The following ACACA variants were observed in gnomAD, a reference collection of about 807,000 sequenced individuals.
ACACA encodes the protein acetyl-CoA carboxylase 1.
ACACA carries 103 observed loss-of-function variants against 296.1 expected under a neutral mutation model. That is an observed-to-expected ratio of 0.35 (90% CI 0.30 to 0.41). The LOEUF (loss-of-function observed/expected upper bound fraction) is 0.41, where lower values mean the gene tolerates loss of function less well. Among genes scored for constraint, ACACA ranks in the 10% least tolerant of loss-of-function variants. ACACA has a pLI of 1.00. For synonymous variants in ACACA, 953 were observed against 1,038.6 expected (o/e 0.92, Z 1.58); for missense variants, 1,554 against 2,989.7 (o/e 0.52, Z 11.20).
rs115113934 is a variant in ACACA at position 37,219,335 on chromosome 17, G to C, written c.3683+2389C>G. Among the ~76,000 whole-genome samples, 1,198 of 152,264 alleles carry C rather than the reference G, an allele frequency of 7.9e-3. 15 individuals are homozygous for C. The highest frequency in any genetic ancestry group is 0.026 in the African/African-American group (1,078 of 41,558). On this transcript the variant is annotated intron_variant, in intron 29 of 55. Coordinates refer to ENST00000616317, the MANE Select transcript of ACACA (RefSeq NM_198834.3). The stretch of plus-strand genomic sequence containing the variant: ...GAGACCATCCCACACTTCACCCTAA[G>C]CGTCTCGTGCTTTTGGCTGATCCTG...
At chr17:37,268,733 C>A (rs924095615) in intron 10 of ACACA, among the ~76,000 whole-genome samples, 903 of 70,194 alleles carry the variant, frequency 0.013, 17 homozygotes, top group African/African-American at 0.052. Flanking sequence ...ATCTATCTAT[C>A]TATCTATCTA....
intron 16 of ACACA, among the ~76,000 whole-genome samples, chr17:37,249,628 T>C (rs150397364): frequency 6.6e-6 from 1 of 152,174 alleles, no homozygotes; most frequent in Non-Finnish European, 1.5e-5. Context: ...TGTTTTCACA[T>C]GTGGAACAAA....
intron 5 of ACACA, among the ~76,000 whole-genome samples, chr17:37,279,194 TA>T (rs547906302): frequency 6.6e-6 from 1 of 152,020 alleles, no homozygotes; most frequent in Non-Finnish European, 1.5e-5. Context: ...AAGTCCCTTC[TA>T]AAAAAAATTC....
At chr17:37,212,946 T>G (rs1460153590) in intron 29 of ACACA, among the ~76,000 whole-genome samples, 1 of 149,270 alleles carries the variant, frequency 6.7e-6, no homozygotes, top group African/African-American at 2.5e-5. Context: ...GGGAAGAGAT[T>G]GTATACGAGT....
At chr17:37,298,398 T>C (rs1027991339) in intron 3 of ACACA, among the ~76,000 whole-genome samples, 3 of 152,124 alleles carry the variant, frequency 2.0e-5, no homozygotes, top group African/African-American at 7.2e-5. Flanking sequence ...AAAAAGATAA[T>C]GGAGGGATGC....
chr17:37,342,436 A>AAAAAAAAAAATAT (rs1555652530), intron 1 of ACACA, among the ~76,000 whole-genome samples: 1 of 58,208 alleles, frequency 1.7e-5, no homozygotes, highest in Non-Finnish European at 2.9e-5. Context: ...AAAAAAAAAA[A>AAAAAAAAAAATAT]ATATATATAT....
intron 48 of ACACA, 158 bp from the exon 49 acceptor site, chr17:37,122,785 A>G: frequency 2.8e-6 from 2 of 716,554 alleles, no homozygotes; most frequent in African/African-American, 1.7e-5. Flanking sequence ...GTGAGACTCT[A>G]CGGATTTGAT....
chr17:37,345,485 C>G (rs2048576137), intron 1 of ACACA: 1 of 152,160 alleles, frequency 6.6e-6, no homozygotes, highest in Non-Finnish European at 1.5e-5. Context: ...AATCAGCTTT[C>G]AACACTTCCT....
At chr17:37,314,104 C>CTT (rs34202919) in intron 3 of ACACA, among the ~76,000 whole-genome samples, 29,154 of 133,868 alleles carry the variant, frequency 0.22, 3,649 homozygotes, top group Admixed American at 0.33. Flanking sequence ...ACTATATATT[C>CTT]TTTTTTTTTT....
chr17:37,174,016 A>ATTTTTTT (rs1336673580), intron 41 of ACACA, among the ~76,000 whole-genome samples: 11 of 15,038 alleles, frequency 7.3e-4, no homozygotes, highest in Non-Finnish European at 1.1e-3. Flanking sequence ...ATATATATAT[A>ATTTTTTT]TATATTTTTT....
chr17:37,184,840 C>A (rs2077462029), intron 39 of ACACA, among the ~76,000 whole-genome samples: 1 of 127,800 alleles, frequency 7.8e-6, no homozygotes, highest in South Asian at 2.9e-4. Context: ...GATAGTGAGA[C>A]CCTGTCTCAA....
chr17:37,151,029 T>G (rs2144131717), intron 44 of ACACA, among the ~76,000 whole-genome samples: 1 of 151,052 alleles, frequency 6.6e-6, no homozygotes, highest in Admixed American at 6.6e-5. Context: ...TCCAGCCTGG[T>G]GACAGGGCGA....
chr17:37,223,469 G>C (rs1422011192), intron 28 of ACACA, 43 bp downstream of exon 28: 2 of 1,472,088 alleles, frequency 1.4e-6, no homozygotes, highest in East Asian at 4.5e-5. Context: ...AAACCAGCTA[G>C]AAACAAAGGA....
chr17:37,172,954 C>CT (rs2076933912), intron 41 of ACACA, among the ~76,000 whole-genome samples: 1 of 152,146 alleles, frequency 6.6e-6, no homozygotes, highest in Non-Finnish European at 1.5e-5. Flanking sequence ...AAATATGCCT[C>CT]TTTTCTAACA....
intron 54 of ACACA, among the ~76,000 whole-genome samples, chr17:37,095,091 G>A (rs1260983445): frequency 6.6e-6 from 1 of 152,224 alleles, no homozygotes; most frequent in Non-Finnish European, 1.5e-5. Flanking sequence ...CATGCCTGGG[G>A]GGAAACTTCC....
At chr17:37,327,668 C>T (rs1376332786) in intron 3 of ACACA, among the ~76,000 whole-genome samples, 2 of 152,178 alleles carry the variant, frequency 1.3e-5, no homozygotes, top group South Asian at 2.1e-4. Flanking sequence ...ACTCAGTTTC[C>T]TAATCCAGCA....
chr17:37,390,772 A>C (rs1424137279), intron 1 of ACACA, among the ~76,000 whole-genome samples: 1 of 151,740 alleles, frequency 6.6e-6, no homozygotes, highest in East Asian at 1.9e-4. Flanking sequence ...CAGCCTGGGA[A>C]AAAGGGTGAG....
intron 29 of ACACA, 98 bp from the exon 30 acceptor site, chr17:37,210,588 G>A: frequency 3.5e-6 from 4 of 1,138,788 alleles, no homozygotes; most frequent in Non-Finnish European, 5.3e-6. Flanking sequence ...AGGAGCTCCA[G>A]TTTGGCAGCT....
At chr17:37,229,160 C>T (rs1051376391) in intron 25 of ACACA, among the ~76,000 whole-genome samples, 4 of 148,460 alleles carry the variant, frequency 2.7e-5, no homozygotes, top group Admixed American at 2.7e-4. Context: ...AAAAAAAAAG[C>T]ACACTAATCA....
Sources: allele counts gnomAD v4.1 joint callset (sites outside exome capture counted in the v4.1 genomes callset), GRCh38; gene constraint gnomAD v4.1.1; transcripts MANE v1.5; gene names NCBI Gene and HGNC (gene_info 2026-07-23, HGNC 2026-07-21).